Variants in VOPP1 observed in about 807,000 individuals in gnomAD.
The protein encoded by VOPP1 is WW domain binding protein VOPP1.
In VOPP1, 8 loss-of-function variants were observed where a neutral mutation model predicts 23.5. The observed-to-expected ratio is 0.34, with a 90% CI of 0.20 to 0.61. The LOEUF (loss-of-function observed/expected upper bound fraction) is 0.61, where lower values mean the gene tolerates loss of function less well. VOPP1 is among the 20% of genes least tolerant of loss of function. The pLI, the probability that VOPP1 is intolerant of heterozygous loss-of-function variation, is 0.78. For synonymous variants in VOPP1, 83 were observed against 97.3 expected (o/e 0.85, Z 0.86); for missense variants, 174 against 238.1 (o/e 0.73, Z 1.77).
At chr7:55,462,376 T>C (rs974516292) in intron 4 of VOPP1, among the ~76,000 whole-genome samples, 2 of 152,230 alleles carry the variant, frequency 1.3e-5, no homozygotes, top group Non-Finnish European at 2.9e-5. Flanking sequence ...TTAAGCTTCC[T>C]GTATCTGGAT....
At chr7:55,538,260 C>T (rs899381125) in intron 1 of VOPP1, among the ~76,000 whole-genome samples, 4 of 152,168 alleles carry the variant, frequency 2.6e-5, no homozygotes, top group African/African-American at 4.8e-5. Context: ...TTATGCAGTC[C>T]GCACTTAGGA....
intron 2 of VOPP1, among the ~76,000 whole-genome samples, chr7:55,514,168 T>C (rs1165039039): frequency 1.3e-5 from 2 of 152,230 alleles, no homozygotes; most frequent in Non-Finnish European, 2.9e-5. Flanking sequence ...TGCTTTGTAC[T>C]TGGCAAGCAG....
At chr7:55,514,483 A>C (rs1159693970) in intron 2 of VOPP1, among the ~76,000 whole-genome samples, 1 of 152,182 alleles carries the variant, frequency 6.6e-6, no homozygotes, top group Non-Finnish European at 1.5e-5. Flanking sequence ...ATGCTTTCAG[A>C]ATCACTCCGT....
chr7:55,484,030 T>C (rs1306659889), intron 4 of VOPP1, among the ~76,000 whole-genome samples: 1 of 152,214 alleles, frequency 6.6e-6, no homozygotes, highest in East Asian at 1.9e-4. Context: ...AGTGCTGGGA[T>C]TACCGGCGAG....
intron 1 of VOPP1, among the ~76,000 whole-genome samples, chr7:55,522,922 C>T (rs930927864): frequency 6.6e-6 from 1 of 152,248 alleles, no homozygotes; most frequent in South Asian, 2.1e-4. Context: ...CACTGCATTT[C>T]AGAAAGGACT....
At chr7:55,507,526 T>C (rs766415326) in intron 2 of VOPP1, among the ~76,000 whole-genome samples, 13 of 152,236 alleles carry the variant, frequency 8.5e-5, no homozygotes, top group Admixed American at 2.6e-4. Context: ...AATGAAAGTC[T>C]AGGCATAATC....
At position 55,447,767 on chromosome 7, in the gene VOPP1, C is replaced by T. The variant is rs139864490; in HGVS notation, n.418-11593G>A. On this transcript the variant is annotated intron_variant and non_coding_transcript_variant, in intron 4 of 4. Transcript: ENST00000462326. ...TTTCATATTTTCTCCCTAATCCTCT[C>T]TTCTCTGTGACAGCTTAATCCTGCC... Among the ~76,000 whole-genome samples, 273 of 152,262 alleles carry T rather than the reference C, an allele frequency of 1.8e-3. 1 individual carries two copies. The highest frequency in any genetic ancestry group is 6.0e-3 in the African/African-American group (251 of 41,532).
chr7:55,549,761 T>C (rs1205155009), intron 1 of VOPP1, among the ~76,000 whole-genome samples: 2 of 152,196 alleles, frequency 1.3e-5, no homozygotes, highest in Non-Finnish European at 2.9e-5. Flanking sequence ...CACATCCACT[T>C]AGACAAAGAA....
intron 1 of VOPP1, among the ~76,000 whole-genome samples, chr7:55,522,441 A>C (rs537873305): frequency 2.0e-5 from 3 of 152,330 alleles, no homozygotes; most frequent in Admixed American, 6.5e-5. Flanking sequence ...TAAGAAATGA[A>C]GCTCAGACAG....
At chr7:55,523,693 C>CA (rs1431039180) in intron 1 of VOPP1, among the ~76,000 whole-genome samples, 1 of 152,186 alleles carries the variant, frequency 6.6e-6, no homozygotes, top group Non-Finnish European at 1.5e-5. Flanking sequence ...ATAAAACTTC[C>CA]AAACTTCTCT....
intron 4 of VOPP1, among the ~76,000 whole-genome samples, chr7:55,476,291 C>T (rs774065060): frequency 1.3e-5 from 2 of 152,152 alleles, no homozygotes; most frequent in African/African-American, 2.4e-5. Context: ...TGGGAGGACA[C>T]GCTGTGATGT....
intron 2 of VOPP1, among the ~76,000 whole-genome samples, chr7:55,516,927 T>TTTTG (rs1795474748): frequency 2.1e-5 from 1 of 47,338 alleles, no homozygotes; most frequent in African/African-American, 1.1e-4. Flanking sequence ...TATATATATA[T>TTTTG]ATATATTTTT....
chr7:55,543,700 G>GTT (rs34519358), intron 1 of VOPP1, among the ~76,000 whole-genome samples: 28 of 146,012 alleles, frequency 1.9e-4, no homozygotes, highest in African/African-American at 6.0e-4. Context: ...CATTTACATG[G>GTT]TTTTTTTTTT....
intron 1 of VOPP1, among the ~76,000 whole-genome samples, chr7:55,524,993 G>A (rs1003423857): frequency 2.0e-4 from 31 of 152,242 alleles, no homozygotes; most frequent in East Asian, 5.8e-4. Flanking sequence ...CAGCAGGCAC[G>A]CAGATATGGC....
At chr7:55,505,974 A>G (rs1376341196) in intron 2 of VOPP1, among the ~76,000 whole-genome samples, 1 of 152,240 alleles carries the variant, frequency 6.6e-6, no homozygotes, top group Non-Finnish European at 1.5e-5. Flanking sequence ...TCACGGTCCC[A>G]TAAAAGACCA....
intron 4 of VOPP1, among the ~76,000 whole-genome samples, chr7:55,464,989 C>A (rs1791598306): frequency 6.6e-6 from 1 of 152,180 alleles, no homozygotes; most frequent in South Asian, 2.1e-4. Flanking sequence ...TCTTGCTTAC[C>A]TTCTCTCTGC....
intron 2 of VOPP1, among the ~76,000 whole-genome samples, chr7:55,509,505 C>T (rs909292424): frequency 6.6e-6 from 1 of 152,190 alleles, no homozygotes; most frequent in African/African-American, 2.4e-5. Context: ...AGTCACTTCC[C>T]CAAAGGCCCC....
chr7:55,519,784 C>T (rs1371195140), intron 2 of VOPP1, among the ~76,000 whole-genome samples: 2 of 152,192 alleles, frequency 1.3e-5, no homozygotes, highest in African/African-American at 4.8e-5. Context: ...GTGCTTTACC[C>T]GCACTCACAG....
chr7:55,543,727 C>CAA (rs1797242323), intron 1 of VOPP1, among the ~76,000 whole-genome samples: 1 of 149,664 alleles, frequency 6.7e-6, no homozygotes, highest in South Asian at 2.1e-4. Context: ...AATGTCTATT[C>CAA]AAATAATTTG....
Sources: allele counts gnomAD v4.1 joint callset (sites outside exome capture counted in the v4.1 genomes callset), GRCh38; gene constraint gnomAD v4.1.1; transcripts MANE v1.5; gene names NCBI Gene and HGNC (gene_info 2026-07-23, HGNC 2026-07-21).